The following CARMIL1 variants were observed in gnomAD, a reference collection of about 807,000 sequenced individuals.
CARMIL1 encodes the protein F-actin-uncapping protein LRRC16A.
A neutral mutation model predicts 177.1 loss-of-function variants in CARMIL1; 90 were observed. That is an observed-to-expected ratio of 0.51 (90% CI 0.43 to 0.61). The LOEUF is 0.61. Among genes scored for constraint, CARMIL1 ranks in the 20% least tolerant of loss-of-function variants. The pLI is 0.00. For synonymous variants in CARMIL1, 577 were observed against 606.2 expected (o/e 0.95, Z 0.71); for missense variants, 1,380 against 1,667.0 (o/e 0.83, Z 3.00).
chr6:25,303,215 T>C (rs555981723), intron 2 of CARMIL1, among the ~76,000 whole-genome samples: 1 of 152,302 alleles, frequency 6.6e-6, no homozygotes, highest in East Asian at 1.9e-4. Context: ...ACTCCATTTC[T>C]TCCATGTGAT....
intron 3 of CARMIL1, among the ~76,000 whole-genome samples, chr6:25,422,169 C>G (rs1316526550): frequency 6.6e-6 from 1 of 152,118 alleles, no homozygotes; most frequent in Non-Finnish European, 1.5e-5. Context: ...AACTGCTTCC[C>G]CTACCTGCAT....
intron 2 of CARMIL1, among the ~76,000 whole-genome samples, chr6:25,362,850 C>T (rs1308108916): frequency 6.6e-6 from 1 of 151,848 alleles, no homozygotes; most frequent in African/African-American, 2.4e-5. Context: ...GCCTGGCCAA[C>T]ATGGTGAAAC....
intron 26 of CARMIL1, 103 bp downstream of exon 26, chr6:25,540,181 G>T: frequency 9.2e-7 from 1 of 1,084,534 alleles, no homozygotes; most frequent in Non-Finnish European, 1.2e-6. Context: ...TTGTATGTGT[G>T]CATGCTGCAA....
At chr6:25,543,435 C>CTG (rs1809110172) in intron 26 of CARMIL1, among the ~76,000 whole-genome samples, 1 of 152,050 alleles carries the variant, frequency 6.6e-6, no homozygotes, top group Non-Finnish European at 1.5e-5. Context: ...CTAAACTGGC[C>CTG]TGTTTTAGAT....
chr6:25,603,642 G>A (rs1200356005), intron 33 of CARMIL1, among the ~76,000 whole-genome samples: 3 of 152,190 alleles, frequency 2.0e-5, no homozygotes, highest in African/African-American at 7.2e-5. Context: ...CAGTCTGAAG[G>A]TCAGACTGCC....
chr6:25,494,469 G>A (rs1277550340), intron 15 of CARMIL1, among the ~76,000 whole-genome samples: 21 of 152,294 alleles, frequency 1.4e-4, no homozygotes, highest in Admixed American at 1.2e-3. Context: ...TGAGCTGTAT[G>A]ATTTGATCCA....
intron 29 of CARMIL1, among the ~76,000 whole-genome samples, chr6:25,570,851 A>G (rs771709082): frequency 6.6e-6 from 1 of 152,084 alleles, no homozygotes; most frequent in Non-Finnish European, 1.5e-5. Context: ...TTGTCCATTG[A>G]TTTATTGCAG....
intron 31 of CARMIL1, among the ~76,000 whole-genome samples, chr6:25,590,903 G>A (rs1814236804): frequency 6.6e-6 from 1 of 152,112 alleles, no homozygotes; most frequent in Non-Finnish European, 1.5e-5. Context: ...AGAGTCAACT[G>A]TTTTATCAAT....
At chr6:25,290,763 T>C (rs1171943373) in intron 2 of CARMIL1, among the ~76,000 whole-genome samples, 1 of 152,176 alleles carries the variant, frequency 6.6e-6, no homozygotes, top group East Asian at 1.9e-4. Flanking sequence ...ATTTGTTTTC[T>C]TTTGAAAAGT....
chr6:25,460,551 G>T (rs1800033048), intron 8 of CARMIL1, among the ~76,000 whole-genome samples: 1 of 152,156 alleles, frequency 6.6e-6, no homozygotes, highest in African/African-American at 2.4e-5. Flanking sequence ...CTTACATAAA[G>T]CGTTTGCTGA....
rs151102451 is a variant in CARMIL1, at chr6:25,390,869, T to C, written c.139-29245T>C. ...CACCACCTGTAATCAGCCTGGCTAATTTTTGTACTTTTAGTAGAGATGGGG... is the reference window on the plus strand; with the variant it reads ...CACCACCTGTAATCAGCCTGGCTAACTTTTGTACTTTTAGTAGAGATGGGG... On this transcript the variant is annotated intron_variant, in intron 2 of 36. Transcript: ENST00000329474. 1.6e-4 allele frequency among the ~76,000 whole-genome samples: 24 copies of C among 152,152 alleles called. No individual in the cohort carries two copies. The East Asian group carries it at 4.6e-3, about 29-fold the overall frequency.
At chr6:25,293,445 G>T (rs940207817) in intron 2 of CARMIL1, among the ~76,000 whole-genome samples, 2 of 151,982 alleles carry the variant, frequency 1.3e-5, no homozygotes, top group Non-Finnish European at 2.9e-5. Flanking sequence ...GAGTGCAGTG[G>T]TTCAAACACA....
intron 2 of CARMIL1, among the ~76,000 whole-genome samples, chr6:25,410,552 G>A (rs1794812135): frequency 6.6e-6 from 1 of 152,124 alleles, no homozygotes; most frequent in African/African-American, 2.4e-5. Context: ...GCTGCCACTT[G>A]TCTCAACTTT....
At chr6:25,428,399 C>T (rs534852610) in intron 4 of CARMIL1, among the ~76,000 whole-genome samples, 2 of 152,216 alleles carry the variant, frequency 1.3e-5, no homozygotes, top group East Asian at 3.9e-4. Context: ...ATCTTCATGC[C>T]ACTCTTATAC....
Position 25,490,741 on chromosome 6 carries a change from AT to A in CARMIL1, c.1066-990del, listed in dbSNP as rs1444666680. Among the ~76,000 whole-genome samples, 568 of 127,108 alleles carry A rather than the reference AT, an allele frequency of 4.5e-3. 3 individuals are homozygous for A. Among genetic ancestry groups the A allele is most frequent in the South Asian group, 7.4e-3 (32 of 4,314 alleles). 83.4% of individuals were successfully genotyped at this position (127,108 alleles called of 152,430 possible). ...AATAAATAAATAAATAAATAAATAA[AT>A]AAATAAATAAAAAAAAATAAATGTC... is the stretch of plus-strand genomic sequence containing the variant. On this transcript the variant is annotated intron_variant, in intron 13 of 36. Coordinates refer to ENST00000329474, the MANE Select transcript of CARMIL1 (RefSeq NM_017640.6).
intron 21 of CARMIL1, among the ~76,000 whole-genome samples, chr6:25,517,075 AG>A (rs1425621828): frequency 6.6e-6 from 1 of 152,242 alleles, no homozygotes; most frequent in Non-Finnish European, 1.5e-5. Flanking sequence ...GTCTAGTGAA[AG>A]TTAGATAACA....
chr6:25,461,768 G>A (rs960075321), intron 8 of CARMIL1, among the ~76,000 whole-genome samples: 64 of 152,286 alleles, frequency 4.2e-4, no homozygotes, highest in African/African-American at 1.5e-3. Flanking sequence ...TCCCCATTGA[G>A]TGTATCATTT....
At chr6:25,459,548 G>C (rs899845184) in intron 8 of CARMIL1, among the ~76,000 whole-genome samples, 1 of 151,678 alleles carries the variant, frequency 6.6e-6, no homozygotes, top group African/African-American at 2.4e-5. Context: ...CACCATACCT[G>C]ACCTGGATCC....
intron 9 of CARMIL1, among the ~76,000 whole-genome samples, chr6:25,467,168 G>T (rs565245301): frequency 6.6e-6 from 1 of 152,188 alleles, no homozygotes; most frequent in Non-Finnish European, 1.5e-5. Context: ...CAAGAGTTGT[G>T]TCTGAGAAGT....
Sources: allele counts gnomAD v4.1 joint callset (sites outside exome capture counted in the v4.1 genomes callset), GRCh38; gene constraint gnomAD v4.1.1; transcripts MANE v1.5; gene names NCBI Gene and HGNC (gene_info 2026-07-23, HGNC 2026-07-21).